Variants in FFAR3 observed in about 807,000 individuals in gnomAD.
FFAR3 encodes G-protein coupled receptor 41.
For synonymous variants in FFAR3, 68 were observed against 201.1 expected (o/e 0.34, Z 5.60); for missense variants, 136 against 446.5 (o/e 0.30, Z 6.27).
chr19:35,358,441 C>T (rs572634896), upstream of FFAR3: 65 of 1,100,440 alleles, frequency 5.9e-5, no homozygotes, highest in South Asian at 1.5e-4. Flanking sequence ...GAGGGAGGCA[C>T]GCAGTTGTGG....
chr19:35,359,065 G>T lies in FFAR3; in HGVS notation c.175G>T (p.Ala59Ser). The T allele has an allele frequency of 1.9e-6, 3 of 1,611,740 alleles. No individual in the cohort carries two copies. The highest frequency in any genetic ancestry group is 2.5e-6 in the Non-Finnish European group (3 of 1,178,410). ...AVDVLLLNLT[A>S]SDLLLLLFLP... ...GGACGTGCTCCTGCTCAACCTGACCGCCTCGGACCTGCTCCTGCTGCTGTT... is the reference window on the plus strand; with the variant it reads ...GGACGTGCTCCTGCTCAACCTGACCTCCTCGGACCTGCTCCTGCTGCTGTT... The change falls in exon 2 of 2, where the codon GCC becomes TCC. Residue 59 changes from alanine (A) to serine (S), a missense_variant. Ala to Ser is a moderately conservative substitution (Grantham distance 99, BLOSUM62 1). Coordinates refer to ENST00000327809, the MANE Select transcript of FFAR3 (RefSeq NM_005304.5).
At position 35,359,143 on chromosome 19, in the gene FFAR3, T is replaced by A; in HGVS notation, c.253T>A (p.Phe85Ile). ...CAATGGCATGCACTGGCCCCTGCCC[T>A]TCATCCTCTGCCCACTCTCTGGATT... ...AANGMHWPLP[F>I]ILCPLSGFIF... The change falls in exon 2 of 2, where the codon TTC becomes ATC. Residue 85 changes from phenylalanine (F) to isoleucine (I), a missense_variant. Transcript: ENST00000327809. 1 of 1,602,562 alleles carries A rather than the reference T, an allele frequency of 6.2e-7. No individual in the cohort carries two copies. Among genetic ancestry groups the A allele is most frequent in the Non-Finnish European group, 8.5e-7 (1 of 1,170,618 alleles).
chr19:35,358,546 G>A lies in FFAR3; in HGVS notation c.-115G>A, dbSNP rs2066974557. 1.0e-5 allele frequency: 13 copies of A among 1,286,394 alleles called. No individual in the cohort carries two copies. The highest frequency in any genetic ancestry group is 3.2e-4 in the Middle Eastern group (1 of 3,162). 79.7% of individuals were successfully genotyped at this position (1,286,394 alleles called of 1,614,324 possible). Reference sequence around the variant, plus strand: ...CAACAGTGAGTGACGTCATGGGCACGGCCAGGTCTTTATCAGTTCTGCCGG... The same window carrying A: ...CAACAGTGAGTGACGTCATGGGCACAGCCAGGTCTTTATCAGTTCTGCCGG... On this transcript the variant is annotated 5_prime_UTR_variant, in exon 1 of 2. Transcript: ENST00000327809.
chr19:35,359,054 T>C lies in FFAR3; in HGVS notation c.164T>C (p.Leu55Pro), dbSNP rs1342663311. 6.2e-7 allele frequency: 1 copy of C among 1,611,834 alleles called. No individual in the cohort carries two copies. Among genetic ancestry groups the C allele is most frequent in the East Asian group, 2.2e-5 (1 of 44,860 alleles). ...CCGGTGGCCGTGGACGTGCTCCTGC[T>C]CAACCTGACCGCCTCGGACCTGCTC... ...RRPVAVDVLL[L>P]NLTASDLLLL... Residue 55 changes from leucine (L) to proline (P), a missense_variant, in exon 2 of 2, where the codon CTC (leucine) becomes CCC (proline). Leu to Pro is a moderately conservative substitution (Grantham distance 98, BLOSUM62 -3). Transcript: ENST00000327809.
upstream of FFAR3, chr19:35,358,311 C>A: frequency 4.1e-6 from 1 of 244,566 alleles, no homozygotes; most frequent in Non-Finnish European, 7.0e-6. Context: ...CACTTCCTGC[C>A]CTTACAAGGC....
chr19:35,358,545 C>T lies in FFAR3; in HGVS notation c.-116C>T, dbSNP rs10412120. 38,689 of 1,284,422 alleles carry T rather than the reference C, an allele frequency of 0.03. 814 individuals carry two copies. The highest frequency in any genetic ancestry group is 0.12 in the African/African-American group (8,125 of 66,316). 79.6% of individuals were successfully genotyped at this position (1,284,422 alleles called of 1,614,324 possible). The stretch of plus-strand genomic sequence containing the variant: ...TCAACAGTGAGTGACGTCATGGGCA[C>T]GGCCAGGTCTTTATCAGTTCTGCCG... On this transcript the variant is annotated 5_prime_UTR_variant, in exon 1 of 2. The change creates a new upstream start codon in the 5' untranslated region. Transcript: ENST00000327809.
chr19:35,359,821 GA>G lies in FFAR3; in HGVS notation c.932del (p.Glu311GlyfsTer78), dbSNP rs1746757543. 1 of 1,610,084 alleles carries G rather than the reference GA, an allele frequency of 6.2e-7. No homozygotes were observed. The highest frequency in any genetic ancestry group is 1.3e-5 in the African/African-American group (1 of 74,626). ...GCAGGAGAGCAGCATGGAGCTGAAG[GA>G]GCAGAAGGGAGGGGAGGAGCAGAGA... ...WQQESSMELKEQKGGEEQRAD... is the reference protein window; with the variant it reads ...WQQESSMELKXQKGGEEQRAD... On this transcript the variant is annotated frameshift_variant, in exon 2 of 2. Coordinates refer to ENST00000327809, the MANE Select transcript of FFAR3 (RefSeq NM_005304.5). LOFTEE classifies it low-confidence loss of function (END_TRUNC).
Position 35,358,908 on chromosome 19 carries a change from C to T in FFAR3, c.18C>T (p.Asp6=), listed in dbSNP as rs769651219. MDTGP[D]QSYFSGNHWF... is the part of the protein sequence containing the mutation. ...CCACCACCATGGATACAGGCCCCGA[C>T]CAGTCCTACTTCTCCGGCAATCACT... Residue 6 remains aspartate (D), a synonymous_variant, in exon 2 of 2, where the codon GAC becomes GAT. Coordinates refer to ENST00000327809, the MANE Select transcript of FFAR3 (RefSeq NM_005304.5). 4 of 1,592,626 alleles carry T rather than the reference C, an allele frequency of 2.5e-6. No homozygotes were observed. In the East Asian group the frequency reaches 6.7e-5, roughly 27 times the overall value.
rs763567775 is a variant in FFAR3, at chr19:35,359,008, G to C, written c.118G>C (p.Val40Leu). The C allele has an allele frequency of 1.2e-6, 2 of 1,611,656 alleles. No individual in the cohort carries two copies. The highest frequency in any genetic ancestry group is 1.7e-6 in the Non-Finnish European group (2 of 1,178,330). ...PLNLLALVVF[V>L]GKLQRRPVAV... ...CAACCTGCTGGCCCTGGTGGTCTTC[G>C]TGGGCAAGCTGCAGCGCCGCCCGGT... Residue 40 changes from valine to leucine, a missense_variant, in exon 2 of 2, where the codon GTG becomes CTG. By Grantham distance (32) the Val-to-Leu change is conservative. Coordinates refer to ENST00000327809, the MANE Select transcript of FFAR3 (RefSeq NM_005304.5).
At position 35,359,938 on chromosome 19, in the gene FFAR3, C is replaced by G. The variant is rs377724955; in HGVS notation, c.*7C>G. The G allele has an allele frequency of 1.3e-6, 2 of 1,503,826 alleles. No individual in the cohort carries two copies. The highest frequency in any genetic ancestry group is 4.9e-5 in the East Asian group (2 of 41,080). 93.2% of individuals were successfully genotyped at this position (1,503,826 alleles called of 1,614,324 possible). A position where few individuals can be genotyped will look rare whatever the true frequency, so the allele number is the denominator to read the frequency against. On this transcript the variant is annotated 3_prime_UTR_variant, in exon 2 of 2. Transcript: ENST00000327809. ...GGCCTGTGCTGAAAGCTAGGTCCTC[C>G]GGGGGAGGAGGGTGTAGCTGGCATG...
intron 1 of FFAR3, 104 bp downstream of exon 1, chr19:35,358,753 C>G (rs1297686771): frequency 9.3e-7 from 1 of 1,070,714 alleles, no homozygotes; most frequent in African/African-American, 1.6e-5. Flanking sequence ...CAGGCTGACC[C>G]CGCCTGGAAG....
At position 35,358,872 on chromosome 19, in the gene FFAR3, C is replaced by G. The variant is rs2066976202; in HGVS notation, c.-11-8C>G. 6.4e-7 allele frequency: 1 copy of G among 1,559,614 alleles called. No homozygotes were observed. The highest frequency in any genetic ancestry group is 8.8e-7 in the Non-Finnish European group (1 of 1,140,802). ...CACTACCAACTCCATGTTACTCTCT[C>G]TCACCAGTGGCCACCACCATGGATA... On this transcript the variant is annotated splice_polypyrimidine_tract_variant and splice_region_variant and intron_variant, in intron 1 of 1. Coordinates refer to ENST00000327809, the MANE Select transcript of FFAR3 (RefSeq NM_005304.5).
chr19:35,359,676 G>A lies in FFAR3; in HGVS notation c.786G>A (p.Thr262=), dbSNP rs145161959. The part of the protein sequence containing the change: ...GESPAWRIYV[T]LLSTLNSCVD... ...GCCCGGCGTGGAGGATCTACGTGAC[G>A]CTTCTCAGCACCCTGAACTCCTGTG... The change falls in exon 2 of 2, where the codon ACG becomes ACA. Residue 262 remains threonine (T), a synonymous_variant. Coordinates refer to ENST00000327809, the MANE Select transcript of FFAR3 (RefSeq NM_005304.5). The A allele has an allele frequency of 4.5e-4, 721 of 1,613,904 alleles. No individual in the cohort carries two copies. In the African/African-American group the frequency reaches 7.6e-3, roughly 17 times the overall value.
intron 1 of FFAR3, 83 bp from the exon 2 acceptor site, chr19:35,358,797 C>T: frequency 1.6e-6 from 2 of 1,219,184 alleles, no homozygotes; most frequent in Non-Finnish European, 2.3e-6. Context: ...GCGTAGTGAC[C>T]TCGTGCCCTT....
At chr19:35,358,375 G>C, upstream of FFAR3, 2 of 738,078 alleles carry the variant, frequency 2.7e-6, no homozygotes, top group Non-Finnish European at 3.4e-6. Context: ...TGAAGAAGGG[G>C]AGAGGAAGAC....
upstream of FFAR3, among the ~76,000 whole-genome samples, chr19:35,358,231 G>T (rs1240203450): frequency 1.3e-5 from 2 of 152,178 alleles, no homozygotes; most frequent in African/African-American, 4.8e-5. Flanking sequence ...GAGAATTTAA[G>T]TCATTTCCCC....
At chr19:35,358,715 G>A in intron 1 of FFAR3, 66 bp downstream of exon 1, 27 of 1,076,358 alleles carry the variant, frequency 2.5e-5, no homozygotes, top group Non-Finnish European at 3.1e-5. Flanking sequence ...GGAAGGGACA[G>A]GGGACAGGGC....
Position 35,360,201 on chromosome 19 carries a change from C to A in FFAR3, c.*270C>A. The A allele has an allele frequency of 1.9e-6, 1 of 527,092 alleles. No individual in the cohort carries two copies. The highest frequency in any genetic ancestry group is 3.6e-6 in the Non-Finnish European group (1 of 280,930). The allele number at this position is 527,092 out of a possible 1,614,324, so 32.7% of individuals were successfully genotyped here. ...ATGAGGTCCTCATAGCAGCAGGCAG[C>A]TCCTGTGTTTTCTTGAGGGTGGCAG... On this transcript the variant is annotated 3_prime_UTR_variant, in exon 2 of 2. Coordinates refer to ENST00000327809, the MANE Select transcript of FFAR3 (RefSeq NM_005304.5).
chr19:35,358,199 C>T (rs2145696522), upstream of FFAR3, among the ~76,000 whole-genome samples: 1 of 152,290 alleles, frequency 6.6e-6, no homozygotes, highest in South Asian at 2.1e-4. Context: ...CTCTGTTCTG[C>T]AGGGGAGAAA....
Sources: gnomAD v4.1 joint callset for allele counts (sites outside exome capture counted in the v4.1 genomes callset) on GRCh38, gnomAD v4.1.1 for gene constraint, MANE v1.5 for transcripts, NCBI Gene and HGNC (gene_info 2026-07-23, HGNC 2026-07-21) for gene names.